The following TRRAP variants were observed in gnomAD, a reference collection of about 807,000 sequenced individuals.
TRRAP encodes the protein transformation/transcription domain associated protein.
A neutral mutation model predicts 438.8 loss-of-function variants in TRRAP; 41 were observed. That is an observed-to-expected ratio of 0.09 (90% CI 0.07 to 0.12). TRRAP has a LOEUF of 0.12. TRRAP is among the 10% of genes least tolerant of loss of function. TRRAP has a pLI of 1.00. For missense variants in TRRAP, 3,122 were observed against 5,055.1 expected, an observed-to-expected ratio of 0.62 and a Z score of 11.60; for synonymous variants, 1,994 against 1,962.9, an observed-to-expected ratio of 1.02 and a Z score of -0.42.
At chr7:99,008,355 G>A (rs374135248) in intron 69 of TRRAP, 22 bp from the exon 70 acceptor site, 42 of 1,611,080 alleles carry the variant, frequency 2.6e-5, no homozygotes, top group Non-Finnish European at 3.1e-5. Flanking sequence ...AGCCTGCCCC[G>A]TTTCTCTTCC....
chr7:98,956,574 T>A lies in TRRAP; in HGVS notation c.6231+41T>A. On this transcript the variant is annotated intron_variant, in intron 43 of 72. Transcript: ENST00000456197. This position sits in a 1 kb window ranked among gnomAD's most constrained non-coding sequence, Gnocchi z 4.5. ...TCTGTATGGGTGCTGCGCATTCTGC[T>A]GGGAGTTGGTTCGTTTATTCCCTAT... is the stretch of plus-strand genomic sequence containing the variant. 3 of 1,591,760 alleles carry A rather than the reference T, an allele frequency of 1.9e-6. No homozygotes were observed. Among genetic ancestry groups the A allele is most frequent in the Non-Finnish European group, 2.6e-6 (3 of 1,171,284 alleles).
chr7:98,995,476 A>G (rs1793610398), intron 67 of TRRAP, among the ~76,000 whole-genome samples: 1 of 152,056 alleles, frequency 6.6e-6, no homozygotes, highest in Admixed American at 6.5e-5. Flanking sequence ...TGGGCATCGT[A>G]ATAGGGAGAT....
At chr7:98,991,918 T>C (rs1484459085) in intron 64 of TRRAP, among the ~76,000 whole-genome samples, 1 of 152,220 alleles carries the variant, frequency 6.6e-6, no homozygotes, top group East Asian at 1.9e-4. Flanking sequence ...GAAATGCATG[T>C]GTTGATGTGT....
intron 67 of TRRAP, among the ~76,000 whole-genome samples, chr7:99,003,010 G>A (rs1794004129): frequency 6.6e-6 from 1 of 152,156 alleles, no homozygotes; most frequent in African/African-American, 2.4e-5. Context: ...GTGCTCCAAG[G>A]TCTAAGCTGG....
At chr7:99,002,938 T>G (rs141506209) in intron 67 of TRRAP, among the ~76,000 whole-genome samples, 199 of 152,266 alleles carry the variant, frequency 1.3e-3, no homozygotes, top group African/African-American at 4.2e-3. Flanking sequence ...GGGGCAGGTG[T>G]TAAATTATTC....
At chr7:98,879,111 C>T (rs1245300439) in intron 1 of TRRAP, among the ~76,000 whole-genome samples, 1 of 152,206 alleles carries the variant, frequency 6.6e-6, no homozygotes, top group Non-Finnish European at 1.5e-5. Context: ...CCCTCTGGCC[C>T]GGCGGCGCCG....
chr7:98,934,839 T>C (rs1032244184), intron 27 of TRRAP, among the ~76,000 whole-genome samples: 4 of 152,146 alleles, frequency 2.6e-5, no homozygotes, highest in Non-Finnish European at 4.4e-5. Context: ...CTAGCAACAG[T>C]GGTTTCCTCT....
At chr7:98,910,735 T>G (rs1789213969) in intron 16 of TRRAP, 128 bp downstream of exon 16, 1 of 780,270 alleles carries the variant, frequency 1.3e-6, no homozygotes, top group Non-Finnish European at 2.0e-6. Context: ...TATACCCAGA[T>G]GTGTTTTGTT....
At chr7:98,920,192 C>T (rs1307554921) in intron 20 of TRRAP, among the ~76,000 whole-genome samples, 1 of 152,092 alleles carries the variant, frequency 6.6e-6, no homozygotes, top group Non-Finnish European at 1.5e-5. Flanking sequence ...GATTTATGGC[C>T]GGGTGCGGTG....
In TRRAP at chr7:98,909,019, ATTTTTTTTT is replaced by A. The variant is rs879955419; in HGVS notation, c.1350+71_1350+79del. 2.7e-6 allele frequency: 3 copies of A among 1,091,048 alleles called. No homozygotes were observed. The Admixed American group carries it at 8.5e-5, about 31-fold the overall frequency. The allele number at this position is 1,091,048 out of a possible 1,614,324, so 67.6% of individuals were successfully genotyped here. On this transcript the variant is annotated intron_variant, in intron 14 of 72. Coordinates refer to ENST00000456197, the MANE Select transcript of TRRAP (RefSeq NM_001375524.1). ...TGCACTCTATCCTGTTTGTGGCTAA[ATTTTTTTTT>A]TTTTTTTTTTTTTGAGACAGATCCT...
chr7:98,897,858 A>G lies in TRRAP; in HGVS notation c.625A>G (p.Thr209Ala), dbSNP rs782220332. Residue 209 changes from threonine (T) to alanine (A), a missense_variant, in exon 8 of 73, where the codon ACT becomes GCT. Physicochemically the swap from Thr to Ala is moderately conservative, Grantham distance 58. Coordinates refer to ENST00000456197, the MANE Select transcript of TRRAP (RefSeq NM_001375524.1). The part of the protein sequence containing the change: ...KVNPEREDSE[T>A]RTHSIIPRGS... ...CAACCCGGAGCGTGAGGACAGTGAG[A>G]CTCGAACAGTAAGTGTTTCGCTGAG... The G allele has an allele frequency of 1.1e-4, 171 of 1,613,600 alleles. No homozygotes were observed. Among genetic ancestry groups the G allele is most frequent in the Non-Finnish European group, 1.4e-4 (166 of 1,179,928 alleles).
chr7:98,947,222 A>G (rs547992660), intron 33 of TRRAP, among the ~76,000 whole-genome samples: 1 of 152,194 alleles, frequency 6.6e-6, no homozygotes, highest in African/African-American at 2.4e-5. Context: ...CTGGAGCAAC[A>G]GCAGCCCACC....
intron 58 of TRRAP, among the ~76,000 whole-genome samples, chr7:98,979,904 G>C (rs1410653023): frequency 6.6e-6 from 1 of 152,160 alleles, no homozygotes; most frequent in Non-Finnish European, 1.5e-5. Context: ...GCTTCCTAGG[G>C]TAGTTTCTTG....
chr7:98,949,641 A>G lies in TRRAP; in HGVS notation c.4954-19A>G. 1 of 1,604,136 alleles carries G rather than the reference A, an allele frequency of 6.2e-7. No individual in the cohort carries two copies. Among genetic ancestry groups the G allele is most frequent in the Non-Finnish European group, 8.5e-7 (1 of 1,174,648 alleles). On this transcript the variant is annotated intron_variant, in intron 36 of 72. Transcript: ENST00000456197. The stretch of plus-strand genomic sequence containing the variant: ...GGTTTAATCGAGACACGGTTCCCTA[A>G]TTATCTCTTCTTTGACAGATCATAA...
In TRRAP at chr7:99,005,083, TGG is replaced by T. The variant is rs1214834185; in HGVS notation, c.10536-47_10536-46del. 3.8e-6 allele frequency: 6 copies of T among 1,581,496 alleles called. No homozygotes were observed. The highest frequency in any genetic ancestry group is 5.2e-6 in the Non-Finnish European group (6 of 1,153,756). ...CCTAGCTTCTTCTCAAGACAAGGACTGGTAGCAGAGATGCAGGGCATGTCCTC... is the reference window on the plus strand; with the variant it reads ...CCTAGCTTCTTCTCAAGACAAGGACTTAGCAGAGATGCAGGGCATGTCCTC... On this transcript the variant is annotated intron_variant, in intron 68 of 72. Coordinates refer to ENST00000456197, the MANE Select transcript of TRRAP (RefSeq NM_001375524.1). This position sits in a 1 kb window ranked among gnomAD's most constrained non-coding sequence, Gnocchi z 5.1.
intron 31 of TRRAP, among the ~76,000 whole-genome samples, chr7:98,945,120 G>T (rs1281526453): frequency 2.0e-5 from 3 of 152,164 alleles, no homozygotes; most frequent in African/African-American, 7.2e-5. Flanking sequence ...TGAAGCTTTG[G>T]ATACCCCTTT....
intron 3 of TRRAP, 63 bp downstream of exon 3, chr7:98,882,087 C>A: frequency 1.4e-6 from 2 of 1,404,610 alleles, no homozygotes; most frequent in South Asian, 1.3e-5. Context: ...CTTTCCTGTC[C>A]TGCTTTGTCA....
At chr7:98,904,145 G>A (rs559028329) in intron 12 of TRRAP, among the ~76,000 whole-genome samples, 2 of 152,168 alleles carry the variant, frequency 1.3e-5, no homozygotes, top group African/African-American at 4.8e-5. Flanking sequence ...AAGAATTTTG[G>A]AGGTGTGTTG....
rs782775957 is a variant in TRRAP, at chr7:98,956,142, G to A, written c.5938-4G>A. ...CCGGCGTGATGCTGGCCCTGCGTCC[G>A]CAGGTGTACTACCCGGTACGGCACC... On this transcript the variant is annotated splice_polypyrimidine_tract_variant and splice_region_variant and intron_variant, in intron 41 of 72. Coordinates refer to ENST00000456197, the MANE Select transcript of TRRAP (RefSeq NM_001375524.1). The surrounding 1 kb of genome is among the most constrained non-coding windows in gnomAD (Gnocchi z 4.5). 4 of 1,608,724 alleles carry A rather than the reference G, an allele frequency of 2.5e-6. No homozygotes were observed. The highest frequency in any genetic ancestry group is 3.4e-6 in the Non-Finnish European group (4 of 1,177,810).
Sources: allele counts gnomAD v4.1 joint callset (sites outside exome capture counted in the v4.1 genomes callset), GRCh38; gene constraint gnomAD v4.1.1; non-coding constraint Gnocchi (gnomAD v3.1); transcripts MANE v1.5; gene names NCBI Gene and HGNC (gene_info 2026-07-23, HGNC 2026-07-21).